Variants in CNR2 observed in about 807,000 individuals in gnomAD.
CNR2 encodes cannabinoid receptor 2 (macrophage).
For missense variants in CNR2, 379 were observed against 439.9 expected, an observed-to-expected ratio of 0.86 and a Z score of 1.24; for synonymous variants, 172 against 182.2, an observed-to-expected ratio of 0.94 and a Z score of 0.45.
intron 1 of CNR2, among the ~76,000 whole-genome samples, chr1:23,885,835 G>A (rs537726680): frequency 1.1e-3 from 153 of 143,446 alleles, no homozygotes; most frequent in Non-Finnish European, 2.1e-3. Flanking sequence ...CTGAGATTGC[G>A]CCACTGTACT....
At chr1:23,882,699 A>G (rs1640014021) in intron 1 of CNR2, among the ~76,000 whole-genome samples, 1 of 151,848 alleles carries the variant, frequency 6.6e-6, no homozygotes, top group Non-Finnish European at 1.5e-5. Context: ...TGGTGCCTAT[A>G]ATCCCAGCTA....
At chr1:23,894,296 C>T (rs1471221230) in intron 1 of CNR2, among the ~76,000 whole-genome samples, 1 of 151,854 alleles carries the variant, frequency 6.6e-6, no homozygotes, top group Non-Finnish European at 1.5e-5. Flanking sequence ...TGTGGCTCGC[C>T]TGTAATCCTA....
chr1:23,878,927 A>T (rs1639933030), intron 1 of CNR2, among the ~76,000 whole-genome samples: 1 of 152,340 alleles, frequency 6.6e-6, no homozygotes, highest in East Asian at 1.9e-4. Context: ...GGTCTAAAAA[A>T]TTCAAAGAAA....
intron 1 of CNR2, among the ~76,000 whole-genome samples, chr1:23,899,434 C>T (rs1238271035): frequency 1.3e-5 from 2 of 152,114 alleles, no homozygotes; most frequent in East Asian, 3.9e-4. Context: ...AAAACTAAGA[C>T]AATAACAGCC....
rs539305557 is a variant in CNR2, at chr1:23,872,683, C to T, written c.*1852G>A. 1 of 152,164 alleles carries T rather than the reference C, an allele frequency of 6.6e-6. No homozygotes were observed. The highest frequency in any genetic ancestry group is 6.6e-5 in the Admixed American group (1 of 15,246). The allele number at this position is 152,164 out of a possible 1,614,324, so 9.4% of individuals were successfully genotyped here. On this transcript the variant is annotated 3_prime_UTR_variant, in exon 2 of 2. Coordinates refer to ENST00000374472, the MANE Select transcript of CNR2 (RefSeq NM_001841.3). Reference sequence around the variant, plus strand: ...ATCTGTAAAATGAAGATAACTAAGACCTTCTTATTAGGTTGTTGGGAAACA... The same window carrying T: ...ATCTGTAAAATGAAGATAACTAAGATCTTCTTATTAGGTTGTTGGGAAACA...
chr1:23,880,061 C>G (rs988941527), intron 1 of CNR2, among the ~76,000 whole-genome samples: 3 of 152,068 alleles, frequency 2.0e-5, no homozygotes, highest in Non-Finnish European at 2.9e-5. Context: ...CCTGGATCAC[C>G]TTTCCCTCAA....
At chr1:23,882,612 C>A (rs1640011231) in intron 1 of CNR2, among the ~76,000 whole-genome samples, 1 of 142,544 alleles carries the variant, frequency 7.0e-6, no homozygotes, top group African/African-American at 2.6e-5. Flanking sequence ...TTCAGACTAG[C>A]CTAGCCAACA....
At chr1:23,902,854 G>A (rs935108657) in intron 1 of CNR2, 1 of 1,220,280 alleles carries the variant, frequency 8.2e-7, no homozygotes, top group Non-Finnish European at 1.0e-6. Flanking sequence ...CGGCGGCGCC[G>A]GCGTTGCTGT....
At chr1:23,881,830 T>G (rs12727710) in intron 1 of CNR2, among the ~76,000 whole-genome samples, 131,569 of 150,490 alleles carry the variant, frequency 0.87, 57,820 homozygotes, top group Middle Eastern at 0.92. Context: ...GGCGGAGGTT[T>G]CGGTGAGCCA....
chr1:23,894,194 G>A (rs1456907759), intron 1 of CNR2, among the ~76,000 whole-genome samples: 2 of 151,304 alleles, frequency 1.3e-5, no homozygotes, highest in Non-Finnish European at 2.9e-5. Context: ...GCCGAGGTGG[G>A]TGGATCGCCA....
intron 1 of CNR2, among the ~76,000 whole-genome samples, chr1:23,885,843 A>G (rs985080854): frequency 6.8e-6 from 1 of 146,888 alleles, no homozygotes; most frequent in Admixed American, 7.1e-5. Flanking sequence ...GCGCCACTGT[A>G]CTGCAGCCTG....
intron 1 of CNR2, chr1:23,902,725 C>T (rs1293968756): frequency 6.3e-7 from 1 of 1,575,546 alleles, no homozygotes; most frequent in Non-Finnish European, 8.6e-7. Flanking sequence ...GCGTTCCTCT[C>T]GCGCAGCGTG....
intron 1 of CNR2, chr1:23,902,874 C>T (rs891974128): frequency 8.6e-7 from 1 of 1,161,848 alleles, no homozygotes; most frequent in Admixed American, 4.7e-5. Flanking sequence ...TGGGCTAGGA[C>T]CGCGGCCGCG....
chr1:23,890,857 T>C (rs12747856), intron 1 of CNR2, among the ~76,000 whole-genome samples: 1 of 149,758 alleles, frequency 6.7e-6, no homozygotes, highest in East Asian at 2.0e-4. Flanking sequence ...TTTCTTCTCT[T>C]AGTCCCCCTC....
chr1:23,898,960 T>C (rs1444827086), intron 1 of CNR2, among the ~76,000 whole-genome samples: 2 of 152,126 alleles, frequency 1.3e-5, no homozygotes, highest in African/African-American at 4.8e-5. Flanking sequence ...GCCCGTACTA[T>C]ATATTATTTT....
At position 23,875,128 on chromosome 1, in the gene CNR2, C is replaced by T. The variant is rs780269365; in HGVS notation, c.490G>A (p.Val164Ile). Reference protein sequence around the residue: ...LGIMWVLSALVSYLPLMGWTC... With the variant: ...LGIMWVLSALISYLPLMGWTC... ...CATCCCATGAGGGGCAGGTAGGAGA[C>T]TAGTGCTGAGAGGACCCACATGATG... The change falls in exon 2 of 2, where the codon GTC becomes ATC. Residue 164 changes from valine to isoleucine, a missense_variant. Physicochemically the swap from Val to Ile is conservative, Grantham distance 29 (BLOSUM62 3). Transcript: ENST00000374472. The T allele has an allele frequency of 6.8e-6, 11 of 1,609,278 alleles. No homozygotes were observed. In the East Asian group the frequency reaches 1.6e-4, roughly 23 times the overall value.
intron 1 of CNR2, chr1:23,902,463 G>A (rs547734475): frequency 1.3e-6 from 2 of 1,598,280 alleles, no homozygotes; most frequent in South Asian, 2.2e-5. Context: ...CTACAGAGTG[G>A]CCAGCACCGT....
intron 1 of CNR2, among the ~76,000 whole-genome samples, chr1:23,875,920 CA>C (rs1456528741): frequency 6.6e-6 from 1 of 151,956 alleles, no homozygotes; most frequent in Non-Finnish European, 1.5e-5. Flanking sequence ...TTCCATTTTC[CA>C]AAAGACTAAT....
rs542890327 is a variant in CNR2, at chr1:23,875,178, C to T, written c.440G>A (p.Arg147His). 2.0e-5 allele frequency: 32 copies of T among 1,614,022 alleles called. No homozygotes were observed. Among genetic ancestry groups the T allele is most frequent in the Admixed American group, 6.7e-5 (4 of 60,012 alleles). The change falls in exon 2 of 2, where the codon CGT becomes CAT. Residue 147 changes from arginine to histidine, a missense_variant. Physicochemically the swap from Arg to His is conservative, Grantham distance 29. Transcript: ENST00000374472. ...YPPSYKALLTRGRALVTLGIM... is the reference protein window; with the variant it reads ...YPPSYKALLTHGRALVTLGIM... The stretch of plus-strand genomic sequence containing the variant: ...GCCCAGGGTCACCAGTGCCCTTCCA[C>T]GGGTGAGCAGAGCTTTGTAGGAAGG...
Sources: gnomAD v4.1 joint callset for allele counts (sites outside exome capture counted in the v4.1 genomes callset) on GRCh38, gnomAD v4.1.1 for gene constraint, MANE v1.5 for transcripts, NCBI Gene and HGNC (gene_info 2026-07-23, HGNC 2026-07-21) for gene names.